Variants in EYS observed in about 807,000 individuals in gnomAD.
The protein encoded by EYS is protein eyes shut homolog.
Under a neutral mutation model 282.1 loss-of-function variants are expected in EYS, and 250 were observed. The observed-to-expected ratio is 0.89, with a 90% CI of 0.80 to 0.98. EYS has a LOEUF of 0.98. Ranked by LOEUF, EYS falls within the 50% of genes least tolerant of loss-of-function variation. The pLI is 0.00. For missense variants in EYS, 4,016 were observed against 3,709.0 expected, an observed-to-expected ratio of 1.08 and a Z score of -2.15; for synonymous variants, 1,355 against 1,282.9, an observed-to-expected ratio of 1.06 and a Z score of -1.20.
intron 31 of EYS, among the ~76,000 whole-genome samples, chr6:64,211,331 A>C (rs1223984477): frequency 6.6e-6 from 1 of 152,216 alleles, no homozygotes; most frequent in African/African-American, 2.4e-5. Context: ...CTGAAGGATC[A>C]AAAGACAGTT....
At chr6:64,598,064 A>G (rs1389705475) in intron 24 of EYS, among the ~76,000 whole-genome samples, 1 of 152,234 alleles carries the variant, frequency 6.6e-6, no homozygotes, top group East Asian at 1.9e-4. Context: ...GTGTCTGTGT[A>G]TAAAAACTTA....
chr6:64,313,248 A>G (rs113745175), intron 29 of EYS, among the ~76,000 whole-genome samples: 1 of 152,352 alleles, frequency 6.6e-6, no homozygotes, highest in African/African-American at 2.4e-5. Context: ...ACAAGTTGCA[A>G]CAGCCAAATC....
At chr6:64,602,523 A>T (rs187498885) in intron 24 of EYS, among the ~76,000 whole-genome samples, 62 of 152,242 alleles carry the variant, frequency 4.1e-4, no homozygotes, top group African/African-American at 1.5e-3. Flanking sequence ...ATGACAGATG[A>T]AATGGAAGTG....
chr6:65,034,384 G>A (rs931290379), intron 13 of EYS, among the ~76,000 whole-genome samples: 1 of 152,114 alleles, frequency 6.6e-6, no homozygotes, highest in South Asian at 2.1e-4. Flanking sequence ...GAATGATATA[G>A]CATGGATATT....
intron 18 of EYS, among the ~76,000 whole-genome samples, chr6:64,896,044 C>CA (rs1767450516): frequency 6.6e-6 from 1 of 151,882 alleles, no homozygotes; most frequent in Admixed American, 6.6e-5. Context: ...AACTTATATT[C>CA]AATAAATACA....
intron 29 of EYS, among the ~76,000 whole-genome samples, chr6:64,339,468 T>C (rs1439880129): frequency 6.6e-6 from 1 of 151,640 alleles, no homozygotes; most frequent in Non-Finnish European, 1.5e-5. Context: ...ATAAAAAAAT[T>C]CAAAAAACAG....
chr6:65,626,499 A>C (rs983294967), intron 2 of EYS, among the ~76,000 whole-genome samples: 1 of 152,176 alleles, frequency 6.6e-6, no homozygotes, highest in Non-Finnish European at 1.5e-5. Flanking sequence ...GTGAGAGTCT[A>C]TACAGGGATA....
At chr6:65,513,513 T>G (rs887916883) in intron 2 of EYS, among the ~76,000 whole-genome samples, 11 of 152,040 alleles carry the variant, frequency 7.2e-5, no homozygotes, top group African/African-American at 2.4e-4. Context: ...ACCAATATCC[T>G]TGATGAACAT....
At chr6:64,417,217 C>A (rs145049223) in intron 28 of EYS, among the ~76,000 whole-genome samples, 1 of 152,246 alleles carries the variant, frequency 6.6e-6, no homozygotes, top group East Asian at 1.9e-4. Context: ...TTATTGAGCA[C>A]TTTCTGTATG....
At chr6:64,752,396 G>A (rs1772787374) in intron 22 of EYS, among the ~76,000 whole-genome samples, 2 of 151,936 alleles carry the variant, frequency 1.3e-5, no homozygotes, top group South Asian at 4.2e-4. Context: ...ACTAGACCAA[G>A]CAGAAGAAAG....
In EYS at chr6:64,220,425, C is replaced by A. The variant is rs1472081486; in HGVS notation, c.6424+10167G>T. 2.6e-5 allele frequency among the ~76,000 whole-genome samples: 4 copies of A among 152,276 alleles called. No homozygotes were observed. In the East Asian group the frequency reaches 5.8e-4, roughly 22 times the overall value. On this transcript the variant is annotated intron_variant, in intron 31 of 42. Transcript: ENST00000503581. Reference sequence around the variant, plus strand: ...CCTTCTTGGGCAGCTGCTTTCTAATCTGCAGGTAGATCAATGAGCTGACTT... The same window carrying A: ...CCTTCTTGGGCAGCTGCTTTCTAATATGCAGGTAGATCAATGAGCTGACTT...
chr6:64,279,290 T>G (rs1453722767), intron 30 of EYS, among the ~76,000 whole-genome samples: 1 of 152,246 alleles, frequency 6.6e-6, no homozygotes, highest in African/African-American at 2.4e-5. Context: ...ATATATACAT[T>G]GTGGATTCCC....
chr6:63,909,356 A>G (rs866555198), intron 35 of EYS, among the ~76,000 whole-genome samples: 3 of 152,128 alleles, frequency 2.0e-5, no homozygotes, highest in Admixed American at 6.6e-5. Flanking sequence ...TACTCTCTCT[A>G]TATATTTTTA....
intron 13 of EYS, among the ~76,000 whole-genome samples, chr6:65,019,833 C>T (rs1025420669): frequency 6.6e-6 from 1 of 152,096 alleles, no homozygotes; most frequent in Admixed American, 6.5e-5. Flanking sequence ...CACAGTTCAA[C>T]GTGGCTGGGG....
chr6:64,938,420 G>T (rs1219491581), intron 15 of EYS, among the ~76,000 whole-genome samples: 4 of 151,382 alleles, frequency 2.6e-5, no homozygotes, highest in African/African-American at 4.8e-5. Context: ...AGTAGTTATT[G>T]TTGTTAATCT....
chr6:64,372,149 T>G (rs1011506021), intron 29 of EYS, among the ~76,000 whole-genome samples: 12 of 85,888 alleles, frequency 1.4e-4, no homozygotes, highest in Admixed American at 8.7e-4. Flanking sequence ...TTTTTTTTTT[T>G]TTTTTTTTTT....
chr6:63,868,719 T>C (rs562026839), intron 35 of EYS, among the ~76,000 whole-genome samples: 1 of 152,290 alleles, frequency 6.6e-6, no homozygotes, highest in Admixed American at 6.5e-5. Context: ...CAAGTAGAAC[T>C]TTCCATCTTT....
At chr6:64,890,176 A>G (rs1767242184) in intron 18 of EYS, among the ~76,000 whole-genome samples, 1 of 151,988 alleles carries the variant, frequency 6.6e-6, no homozygotes, top group South Asian at 2.1e-4. Flanking sequence ...TGGTCAGACC[A>G]GTTGCTCTCA....
intron 1 of EYS, among the ~76,000 whole-genome samples, chr6:65,687,250 T>C (rs1369494408): frequency 2.0e-5 from 3 of 152,008 alleles, no homozygotes; most frequent in Non-Finnish European, 4.4e-5. Context: ...AAAAATTACA[T>C]ACTAAAAATG....
Sources: gnomAD v4.1 joint callset for allele counts (sites outside exome capture counted in the v4.1 genomes callset) on GRCh38, gnomAD v4.1.1 for gene constraint, MANE v1.5 for transcripts, NCBI Gene and HGNC (gene_info 2026-07-23, HGNC 2026-07-21) for gene names.